Variants in SNX5 observed in about 807,000 individuals in gnomAD.
SNX5 encodes the protein sorting nexin 5, also known as sorting nexin-5.
SNX5 carries 31 observed loss-of-function variants against 53.9 expected under a neutral mutation model. The observed-to-expected ratio is 0.58, with a 90% CI of 0.43 to 0.78. SNX5 has a LOEUF of 0.78. SNX5 is among the 30% of genes least tolerant of loss of function. SNX5 has a pLI of 0.00. For synonymous variants in SNX5, 168 were observed against 171.1 expected (o/e 0.98, Z 0.14); for missense variants, 471 against 478.8 (o/e 0.98, Z 0.15).
chr20:17,947,716 G>C (rs2039506928), intron 10 of SNX5, 71 bp from the exon 11 acceptor site: 11 of 1,323,326 alleles, frequency 8.3e-6, no homozygotes, highest in Non-Finnish European at 1.1e-5. Flanking sequence ...AAGTGCCAAT[G>C]TACCACCTGA....
chr20:17,961,667 A>G, intron 1 of SNX5: 1 of 984,806 alleles, frequency 1.0e-6, no homozygotes, highest in Non-Finnish European at 1.2e-6. Context: ...TTCCAAAAGC[A>G]GAAGATATGT....
rs2035616867 is a variant in SNX5 at position 17,968,589 on chromosome 20, C to T, written c.-164G>A. On this transcript the variant is annotated 5_prime_UTR_variant, in exon 1 of 13. Transcript: ENST00000377759. ...AGGCCTCCGGACTCCGCCACCATCCCAGCTGCCCCGGGAGCAGGCGAGCAG... is the reference window on the plus strand; with the variant it reads ...AGGCCTCCGGACTCCGCCACCATCCTAGCTGCCCCGGGAGCAGGCGAGCAG... 1.5e-6 allele frequency: 1 copy of T among 665,424 alleles called. No homozygotes were observed. Among genetic ancestry groups the T allele is most frequent in the Non-Finnish European group, 2.6e-6 (1 of 388,256 alleles). 41.2% of individuals were successfully genotyped at this position (665,424 alleles called of 1,614,324 possible).
At chr20:17,951,086 T>C (rs1196165468) in intron 6 of SNX5, 1 of 162,652 alleles carries the variant, frequency 6.1e-6, no homozygotes, top group African/African-American at 2.4e-5. Context: ...AAATCCAGTA[T>C]GTAAATAAAA....
At chr20:17,964,903 G>A (rs6080919) in intron 1 of SNX5, among the ~76,000 whole-genome samples, 16,263 of 152,096 alleles carry the variant, frequency 0.11, 979 homozygotes, top group Middle Eastern at 0.15. Flanking sequence ...ACACAAACAC[G>A]AAGCCCTCCC....
In SNX5 at chr20:17,956,686, A is replaced by AAAAC. The variant is rs2035363330; in HGVS notation, c.156+246_156+247insGTTT. ...TGAGACTGTCTCCAAAAAAAAAAAA[A>AAAAC]AAAAAAAAAAAAAAAAAACAAAAAA... On this transcript the variant is annotated intron_variant, in intron 2 of 12. Coordinates refer to ENST00000377759, the MANE Select transcript of SNX5 (RefSeq NM_014426.4). 5.0e-5 allele frequency among the ~76,000 whole-genome samples: 4 copies of AAAAC among 80,078 alleles called. No homozygotes were observed. The South Asian group carries it at 2.7e-3, about 55-fold the overall frequency. The allele number at this position is 80,078 out of a possible 152,430, so 52.5% of individuals were successfully genotyped here.
intron 1 of SNX5, among the ~76,000 whole-genome samples, chr20:17,967,354 C>A (rs897024753): frequency 7.0e-6 from 1 of 142,900 alleles, no homozygotes; most frequent in Non-Finnish European, 1.5e-5. Flanking sequence ...AAAAAAAAAA[C>A]CACTCTAAAC....
chr20:17,949,660 G>GT (rs2122361249), intron 8 of SNX5, among the ~76,000 whole-genome samples: 1 of 152,280 alleles, frequency 6.6e-6, no homozygotes, highest in African/African-American at 2.4e-5. Flanking sequence ...ACAGCTGTGT[G>GT]TTAGACTGGG....
chr20:17,968,322 C>A (rs1490336317), intron 1 of SNX5, 53 bp downstream of exon 1: 5 of 1,238,200 alleles, frequency 4.0e-6, no homozygotes, highest in Non-Finnish European at 5.1e-6. Flanking sequence ...ATGCAGCGAC[C>A]CCGGAGCTCG....
At chr20:17,961,182 G>A (rs2035442013) in intron 1 of SNX5, 3 of 985,314 alleles carry the variant, frequency 3.0e-6, no homozygotes, top group Middle Eastern at 1.0e-3. Context: ...GACACTGGCT[G>A]CAGGACAACC....
intron 1 of SNX5, chr20:17,961,320 TG>T (rs1371306287): frequency 1.4e-5 from 14 of 985,320 alleles, no homozygotes; most frequent in African/African-American, 1.7e-5. Flanking sequence ...AAAGGGCACC[TG>T]GATGACTGAA....
chr20:17,949,126 G>T, intron 8 of SNX5, 23 bp from the exon 9 acceptor site: 1 of 1,608,988 alleles, frequency 6.2e-7, no homozygotes, highest in South Asian at 1.1e-5. Context: ...ATATAATTTT[G>T]GTTTAAGGTC....
At chr20:17,949,462 A>G (rs548152495) in intron 8 of SNX5, among the ~76,000 whole-genome samples, 24 of 152,350 alleles carry the variant, frequency 1.6e-4, no homozygotes, top group African/African-American at 5.8e-4. Flanking sequence ...TGGTTCTGCC[A>G]TTAGCCTTTC....
chr20:17,956,722 C>G (rs1281065032), intron 2 of SNX5, among the ~76,000 whole-genome samples: 1 of 147,810 alleles, frequency 6.8e-6, no homozygotes, highest in Non-Finnish European at 1.5e-5. Context: ...ACAATGCCCA[C>G]AGCCCAGGGC....
chr20:17,948,807 T>C (rs1363134558), intron 10 of SNX5, 83 bp downstream of exon 10: 2 of 1,067,806 alleles, frequency 1.9e-6, no homozygotes, highest in Non-Finnish European at 2.8e-6. Context: ...TAAATTCTTA[T>C]TCTGCTCCTT....
rs951771493 is a variant in SNX5 at position 17,946,756 on chromosome 20, G to C, written c.1078+730C>G. ...AAGTTTGATGAAGACCAAGGTATTT[G>C]CATGGTCTTAAATTGCCTCACCACA... On this transcript the variant is annotated intron_variant, in intron 11 of 12. Transcript: ENST00000377759. 3.3e-5 allele frequency among the ~76,000 whole-genome samples: 5 copies of C among 152,152 alleles called. No individual in the cohort carries two copies. The South Asian group carries it at 6.2e-4, about 19-fold the overall frequency.
In SNX5 at chr20:17,954,081, G is replaced by C; in HGVS notation, c.304C>G (p.Pro102Ala). Residue 102 changes from proline to alanine, a missense_variant, in exon 4 of 13, where the codon CCT (proline) becomes GCT (alanine). Physicochemically the swap from Pro to Ala is conservative, Grantham distance 27 (BLOSUM62 -1). Transcript: ENST00000377759. ...CCCAGTTTCTGCATCTTCTCTCGAG[G>C]ACCATCAAAGTCGGGCTTCGTAGGA... Reference protein sequence around the residue: ...PAPTKPDFDGPREKMQKLGEG... With the variant: ...PAPTKPDFDGAREKMQKLGEG... The C allele has an allele frequency of 6.2e-7, 1 of 1,613,818 alleles. No homozygotes were observed. The highest frequency in any genetic ancestry group is 8.5e-7 in the Non-Finnish European group (1 of 1,179,818).
chr20:17,968,701 C>T lies in SNX5; in HGVS notation c.-276G>A, dbSNP rs1014712260. On this transcript the variant is annotated 5_prime_UTR_variant, in exon 1 of 13. Transcript: ENST00000377759. ...GCAAAGACGCCACGTGGGGCCTACCCTTGCTCCGCTCCACGAGGAGGCCGC... is the reference window on the plus strand; with the variant it reads ...GCAAAGACGCCACGTGGGGCCTACCTTTGCTCCGCTCCACGAGGAGGCCGC... 2 of 503,380 alleles carry T rather than the reference C, an allele frequency of 4.0e-6. No individual in the cohort carries two copies. The highest frequency in any genetic ancestry group is 4.1e-5 in the South Asian group (2 of 48,660). The allele number at this position is 503,380 out of a possible 1,614,324, so 31.2% of individuals were successfully genotyped here.
intron 8 of SNX5, among the ~76,000 whole-genome samples, chr20:17,949,788 G>A (rs2039538558): frequency 1.3e-5 from 2 of 152,040 alleles, no homozygotes; most frequent in African/African-American, 4.8e-5. Context: ...GAAGGTCTAG[G>A]GCATTACCAG....
At chr20:17,966,709 T>C (rs1436286242) in intron 1 of SNX5, among the ~76,000 whole-genome samples, 1 of 152,210 alleles carries the variant, frequency 6.6e-6, no homozygotes, top group Non-Finnish European at 1.5e-5. Context: ...CAGGAGGGCA[T>C]TTAAACAATT....
Sources: allele counts gnomAD v4.1 joint callset (sites outside exome capture counted in the v4.1 genomes callset), GRCh38; gene constraint gnomAD v4.1.1; transcripts MANE v1.5; gene names NCBI Gene and HGNC (gene_info 2026-07-23, HGNC 2026-07-21).